DPP6: variants seen among roughly 807,000 people sequenced by gnomAD.
DPP6 encodes dipeptidyl peptidase like 6, also known as A-type potassium channel modulatory protein DPP6.
DPP6 carries 69 observed loss-of-function variants against 122.6 expected under a neutral mutation model. The ratio of observed to expected loss-of-function variants is 0.56; its 90% CI spans 0.46 to 0.69. The LOEUF is 0.69. DPP6 is among the 30% of genes least tolerant of loss of function. The pLI is 0.00. For missense variants in DPP6, 928 were observed against 1,116.9 expected (o/e 0.83, Z 2.41); for synonymous variants, 418 against 433.1 (o/e 0.97, Z 0.43).
chr7:154,369,657 C>T (rs542123067), intron 1 of DPP6, among the ~76,000 whole-genome samples: 2 of 152,252 alleles, frequency 1.3e-5, no homozygotes, highest in South Asian at 2.1e-4. Context: ...TGAGCCACCA[C>T]ACCCAGCCTC....
intron 1 of DPP6, among the ~76,000 whole-genome samples, chr7:153,993,848 C>T (rs1164235335): frequency 6.6e-6 from 1 of 152,182 alleles, no homozygotes; most frequent in African/African-American, 2.4e-5. Context: ...CAGTACATCT[C>T]CTGTCTTTAG....
In DPP6 at chr7:154,730,297, G is replaced by T. The variant is rs539526153; in HGVS notation, c.883+2410G>T. Among the ~76,000 whole-genome samples the T allele has an allele frequency of 1.1e-3, 163 of 152,240 alleles. 1 individual carries two copies. Among genetic ancestry groups the T allele is most frequent in the Non-Finnish European group, 2.1e-3 (140 of 68,028 alleles). ...CAGAACATGAGTGGTTCAAAGTAAGGCTGTGGAGCTGCAGGGACCCAGGGA... is the reference window on the plus strand; with the variant it reads ...CAGAACATGAGTGGTTCAAAGTAAGTCTGTGGAGCTGCAGGGACCCAGGGA... On this transcript the variant is annotated intron_variant, in intron 8 of 25. Transcript: ENST00000377770.
chr7:153,982,807 C>G (rs1176577292), intron 1 of DPP6, among the ~76,000 whole-genome samples: 3 of 152,212 alleles, frequency 2.0e-5, no homozygotes, highest in Admixed American at 2.0e-4. Context: ...GTCACCTCTT[C>G]TGCAGGTCTG....
intron 1 of DPP6, among the ~76,000 whole-genome samples, chr7:154,285,729 G>T (rs891070641): frequency 6.6e-6 from 1 of 152,196 alleles, no homozygotes; most frequent in Non-Finnish European, 1.5e-5. Flanking sequence ...CTGAGAAAAG[G>T]TATTGATATC....
chr7:154,108,911 A>C (rs1443630139), intron 1 of DPP6, among the ~76,000 whole-genome samples: 1 of 152,240 alleles, frequency 6.6e-6, no homozygotes, highest in Non-Finnish European at 1.5e-5. Flanking sequence ...TGAGATTAGA[A>C]AATTGTATTC....
intron 1 of DPP6, among the ~76,000 whole-genome samples, chr7:154,270,130 A>G (rs1803692551): frequency 6.6e-6 from 1 of 152,166 alleles, no homozygotes; most frequent in South Asian, 2.1e-4. Flanking sequence ...ATGTGGGAAG[A>G]GTAAGATGCC....
rs750978711 is a variant in DPP6 at position 154,772,896 on chromosome 7, C to T, written c.1090C>T (p.Pro364Ser). 6.2e-7 allele frequency: 1 copy of T among 1,613,090 alleles called. No individual in the cohort carries two copies. The highest frequency in any genetic ancestry group is 8.5e-7 in the Non-Finnish European group (1 of 1,179,650). Residue 364 changes from proline to serine, a missense_variant, in exon 10 of 26, where the codon CCC (proline) becomes TCC (serine). Coordinates refer to ENST00000377770, the MANE Select transcript of DPP6 (RefSeq NM_130797.4). The stretch of plus-strand genomic sequence containing the variant: ...CCTACACGTTATTGGCTTAAATGGA[C>T]CCACCCATGATCTGGAGATGATGCC... ...ISLHVIGLNG[P>S]THDLEMMPPD...
In DPP6 at chr7:154,481,724, T is replaced by C. The variant is rs932815841; in HGVS notation, c.457+6687T>C. Among the ~76,000 whole-genome samples, 2 of 152,134 alleles carry C rather than the reference T, an allele frequency of 1.3e-5. No individual in the cohort carries two copies. The highest frequency in any genetic ancestry group is 2.9e-5 in the Non-Finnish European group (2 of 68,022). ...CAGCCCACTCGCTCTCCTCTCCGCG[T>C]CCACTTGTGATCACTCCTAGTCACC... On this transcript the variant is annotated intron_variant, in intron 3 of 25. Coordinates refer to ENST00000377770, the MANE Select transcript of DPP6 (RefSeq NM_130797.4). This position sits in a 1 kb window ranked among gnomAD's most constrained non-coding sequence, Gnocchi z 4.2.
At chr7:154,683,214 G>C (rs1339377685) in intron 7 of DPP6, among the ~76,000 whole-genome samples, 2 of 152,068 alleles carry the variant, frequency 1.3e-5, no homozygotes, top group Non-Finnish European at 2.9e-5. Context: ...ATGCATGTTG[G>C]TGAGCTGAGT....
chr7:154,468,869 A>G (rs1001120255), intron 2 of DPP6, among the ~76,000 whole-genome samples: 1 of 152,234 alleles, frequency 6.6e-6, no homozygotes, highest in Non-Finnish European at 1.5e-5. Context: ...TTTAAGATAA[A>G]TTAGTATCTC....
At chr7:154,656,137 G>A (rs568138989) in intron 6 of DPP6, among the ~76,000 whole-genome samples, 41 of 150,186 alleles carry the variant, frequency 2.7e-4, no homozygotes, top group African/African-American at 9.3e-4. Flanking sequence ...GGTGGGCAGA[G>A]AAGATCCCAC....
At chr7:154,626,571 C>T (rs958124319) in intron 5 of DPP6, among the ~76,000 whole-genome samples, 2 of 152,124 alleles carry the variant, frequency 1.3e-5, no homozygotes, top group Non-Finnish European at 2.9e-5. Context: ...GGTATAATAG[C>T]GTTGGGTGTG....
intron 1 of DPP6, among the ~76,000 whole-genome samples, chr7:154,018,270 A>G (rs1305742752): frequency 1.3e-5 from 2 of 151,966 alleles, no homozygotes; most frequent in Admixed American, 1.3e-4. Context: ...AGAGGCCAAC[A>G]CAGTGCCTGG....
At chr7:154,173,495 C>T (rs1029904927) in intron 1 of DPP6, among the ~76,000 whole-genome samples, 2 of 152,154 alleles carry the variant, frequency 1.3e-5, no homozygotes, top group Non-Finnish European at 1.5e-5. Flanking sequence ...GCCGTGCTCT[C>T]CTGCTCATCT....
chr7:154,593,337 C>A (rs1832912561), intron 5 of DPP6, among the ~76,000 whole-genome samples: 2 of 152,186 alleles, frequency 1.3e-5, no homozygotes, highest in South Asian at 4.1e-4. Context: ...GTTAATAATT[C>A]TGAGAGCAGG....
intron 5 of DPP6, among the ~76,000 whole-genome samples, chr7:154,574,980 CTG>C (rs1162729416): frequency 3.1e-5 from 3 of 98,152 alleles, no homozygotes; most frequent in African/African-American, 8.3e-5. Context: ...GTGTGGTGTG[CTG>C]TGTGTGTATA....
chr7:153,815,802 G>A, the DPP6 span, among the ~76,000 whole-genome samples: 6 of 152,218 alleles, frequency 3.9e-5, no homozygotes, highest in African/African-American at 1.4e-4. Context: ...CATTATAACC[G>A]AAGTTCATCT....
At chr7:154,820,764 G>C (rs935559842) in intron 16 of DPP6, among the ~76,000 whole-genome samples, 2 of 152,148 alleles carry the variant, frequency 1.3e-5, no homozygotes, top group African/African-American at 4.8e-5. Context: ...GAAGGGGGAA[G>C]AAATAAATCA....
At chr7:153,861,296 A>T in the DPP6 span, among the ~76,000 whole-genome samples, 3 of 152,372 alleles carry the variant, frequency 2.0e-5, no homozygotes, top group East Asian at 5.8e-4. Context: ...TTAAGATAAC[A>T]CAGCTTTCAG....
Sources: allele counts gnomAD v4.1 joint callset (sites outside exome capture counted in the v4.1 genomes callset), GRCh38; gene constraint gnomAD v4.1.1; non-coding constraint Gnocchi (gnomAD v3.1); transcripts MANE v1.5; gene names NCBI Gene and HGNC (gene_info 2026-07-23, HGNC 2026-07-21).